Variants in RAD51D observed in about 807,000 individuals in gnomAD.
RAD51D encodes the protein DNA repair protein RAD51 homolog 4.
Under a neutral mutation model 44.1 loss-of-function variants are expected in RAD51D, and 38 were observed. The observed-to-expected ratio is 0.86, with a 90% CI of 0.67 to 1.13. RAD51D has a LOEUF of 1.13. Among genes scored for constraint, RAD51D ranks in the 50% most tolerant of loss-of-function variants. The probability of loss-of-function intolerance (pLI) is 0.00; values close to 1 mark genes in which losing one functional copy is unlikely to be tolerated. For missense variants in RAD51D, 390 were observed against 414.0 expected, an observed-to-expected ratio of 0.94 and a Z score of 0.50; for synonymous variants, 141 against 166.6, an observed-to-expected ratio of 0.85 and a Z score of 1.18.
intron 3 of RAD51D, among the ~76,000 whole-genome samples, chr17:35,110,610 T>A (rs1372577813): frequency 6.6e-6 from 1 of 152,248 alleles, no homozygotes. Flanking sequence ...TTGATTATTG[T>A]ATATTTTTAG....
chr17:35,117,572 C>G (rs1048971251), intron 3 of RAD51D, among the ~76,000 whole-genome samples: 24 of 152,196 alleles, frequency 1.6e-4, no homozygotes, highest in African/African-American at 5.8e-4. Flanking sequence ...CTACTGCAAC[C>G]TCCACCTCCC....
intron 3 of RAD51D, chr17:35,113,706 A>G: frequency 4.4e-6 from 1 of 229,652 alleles, no homozygotes; most frequent in South Asian, 4.1e-5. Context: ...ATAAGTATCC[A>G]GCCTCTACCA....
At position 35,101,007 on chromosome 17, in the gene RAD51D, AATGTCTACC is replaced by A. The variant is rs1555566974; in HGVS notation, c.924_932del (p.Met308_Asp310del). ...TCTGCTCTGAGGTCCCCCAGGTCCCAATGTCTACCATCTCCTGGAAACCTGTTGGCTGGA... is the reference window on the plus strand; with the variant it reads ...TCTGCTCTGAGGTCCCCCAGGTCCCAATCTCCTGGAAACCTGTTGGCTGGA... On this transcript the variant is annotated inframe_deletion, in exon 10 of 10. Transcript: ENST00000345365. 3.1e-6 allele frequency: 5 copies of A among 1,613,878 alleles called. No individual in the cohort carries two copies. Among genetic ancestry groups the A allele is most frequent in the Non-Finnish European group, 3.4e-6 (4 of 1,179,754 alleles).
At chr17:35,107,513 G>A (rs2142438019) in intron 3 of RAD51D, 66 bp from the exon 4 acceptor site, 1 of 1,282,086 alleles carries the variant, frequency 7.8e-7, no homozygotes, top group Non-Finnish European at 1.1e-6. Context: ...AAGGTACCAA[G>A]AAGAAAAGTA....
Position 35,101,351 on chromosome 17 carries a change from T to C in RAD51D, c.753A>G (p.Ile251Met). The C allele has an allele frequency of 6.2e-7, 1 of 1,613,898 alleles. No individual in the cohort carries two copies. Among genetic ancestry groups the C allele is most frequent in the Non-Finnish European group, 8.5e-7 (1 of 1,180,008 alleles). The change falls in exon 9 of 10, where the codon ATA becomes ATG. Residue 251 changes from isoleucine to methionine, a missense_variant. Transcript: ENST00000345365. ...LGMAVVVTNHITRDRDSGRLK... is the reference protein window; with the variant it reads ...LGMAVVVTNHMTRDRDSGRLK... ...GCCTCCCGCTGTCCCTGTCTCGAGT[T>C]ATGTGGTTGGTCACCTGCAGCAGAA...
rs1472576485 is a variant in RAD51D at position 35,103,982 on chromosome 17, G to A, written c.577-438C>T. On this transcript the variant is annotated intron_variant, in intron 6 of 9. Coordinates refer to ENST00000345365, the MANE Select transcript of RAD51D (RefSeq NM_002878.4). The surrounding 1 kb of genome is among the most constrained non-coding windows in gnomAD (Gnocchi z 4.1). ...AATCCCAGCTACTCAGGAGGCTGAG[G>A]CAGGAGAATCGCTTGAAACTGGGAG... Among the ~76,000 whole-genome samples the A allele has an allele frequency of 6.6e-6, 1 of 152,236 alleles. No homozygotes were observed.
rs773851850 is a variant in RAD51D, at chr17:35,118,630, G to T, written c.145-11C>A. 6 of 1,605,626 alleles carry T rather than the reference G, an allele frequency of 3.7e-6. No individual in the cohort carries two copies. The South Asian group carries it at 6.6e-5, about 18-fold the overall frequency. ...CAGGGCAACCAGGGCCTGCCAAAGG[G>T]CCCCAGACTGCTCAGCAACAAATTG... On this transcript the variant is annotated splice_polypyrimidine_tract_variant and intron_variant, in intron 2 of 9. Coordinates refer to ENST00000345365, the MANE Select transcript of RAD51D (RefSeq NM_002878.4).
Position 35,103,110 on chromosome 17 carries a change from T to C in RAD51D, c.738+144A>G. 1 of 759,016 alleles carries C rather than the reference T, an allele frequency of 1.3e-6. No homozygotes were observed. The highest frequency in any genetic ancestry group is 2.3e-6 in the Non-Finnish European group (1 of 426,972). 47.0% of individuals were successfully genotyped at this position (759,016 alleles called of 1,614,324 possible). On this transcript the variant is annotated intron_variant, in intron 8 of 9. Coordinates refer to ENST00000345365, the MANE Select transcript of RAD51D (RefSeq NM_002878.4). The surrounding 1 kb of genome is among the most constrained non-coding windows in gnomAD (Gnocchi z 4.1). ...TCCTGATTCCCTTAGCTATTTATGGTGCAAAGCTGTAGCTGACCCAGGGAA... is the reference window on the plus strand; with the variant it reads ...TCCTGATTCCCTTAGCTATTTATGGCGCAAAGCTGTAGCTGACCCAGGGAA...
rs1019082549 is a variant in RAD51D, at chr17:35,109,946, C to A, written c.264-2499G>T. The stretch of plus-strand genomic sequence containing the variant: ...CCTCCCGAAGTGCTGGGATTACAGG[C>A]GTAAGCCACCACGCCTGGCTTTTTT... On this transcript the variant is annotated intron_variant, in intron 3 of 9. Coordinates refer to ENST00000345365, the MANE Select transcript of RAD51D (RefSeq NM_002878.4). Among the ~76,000 whole-genome samples, 3 of 148,168 alleles carry A rather than the reference C, an allele frequency of 2.0e-5. No homozygotes were observed. In the Admixed American group the frequency reaches 2.1e-4, roughly 10 times the overall value.
Position 35,092,833 on chromosome 17 carries a change from G to T in RAD51D, c.*8120C>A, listed in dbSNP as rs1267902101. On this transcript the variant is annotated 3_prime_UTR_variant, in exon 10 of 10. Coordinates refer to ENST00000345365, the MANE Select transcript of RAD51D (RefSeq NM_002878.4). ...TTTCTATGGGAGGTTACTCTTCAAG[G>T]GATTTACTCCCTAAGAAATCAATGG... 6.6e-6 allele frequency: 1 copy of T among 151,982 alleles called. No individual in the cohort carries two copies. Among genetic ancestry groups the T allele is most frequent in the Non-Finnish European group, 1.5e-5 (1 of 68,012 alleles). The allele number at this position is 151,982 out of a possible 1,614,324, so 9.4% of individuals were successfully genotyped here. A position where few individuals can be genotyped will look rare whatever the true frequency, so the allele number is the denominator to read the frequency against.
intron 3 of RAD51D, among the ~76,000 whole-genome samples, chr17:35,115,996 A>AGAAAGAAAGAAAGAAC (rs2091739795): frequency 6.6e-6 from 1 of 151,600 alleles, no homozygotes. Context: ...AAAGAAAGAA[A>AGAAAGAAAGAAAGAAC]GAAAGAAAGA....
rs28363259 is a variant in RAD51D, at chr17:35,119,383, C to T, written c.82+149G>A. ...GTTTTAGAGCTTGGCTCCCCACGCC[C>T]ACCCTTCCTGAGCCTCTCCAGAAGC... On this transcript the variant is annotated intron_variant, in intron 1 of 9. Coordinates refer to ENST00000345365, the MANE Select transcript of RAD51D (RefSeq NM_002878.4). 4.9e-5 allele frequency: 51 copies of T among 1,032,338 alleles called. No individual in the cohort carries two copies. In the Admixed American group the frequency reaches 9.0e-4, roughly 18 times the overall value. The allele number at this position is 1,032,338 out of a possible 1,614,324, so 63.9% of individuals were successfully genotyped here.
rs1038642194 is a variant in RAD51D at position 35,118,782 on chromosome 17, G to A, written c.145-163C>T. Among the ~76,000 whole-genome samples the A allele has an allele frequency of 2.6e-5, 4 of 152,288 alleles. No homozygotes were observed. In the East Asian group the frequency reaches 5.8e-4, roughly 22 times the overall value. On this transcript the variant is annotated intron_variant, in intron 2 of 9. Coordinates refer to ENST00000345365, the MANE Select transcript of RAD51D (RefSeq NM_002878.4). ...GTTTCAGACAGGGTCTCACTCTGTC[G>A]CCCAGATTGGAGTGCAGTAGCACGA...
At position 35,093,986 on chromosome 17, in the gene RAD51D, A is replaced by G. The variant is rs1208584149; in HGVS notation, c.*6967T>C. ...AGCATGGCCCCTGAAATAAATTAAAATATAAATAAATCCTGCCCAGACAAC... is the reference window on the plus strand; with the variant it reads ...AGCATGGCCCCTGAAATAAATTAAAGTATAAATAAATCCTGCCCAGACAAC... On this transcript the variant is annotated 3_prime_UTR_variant, in exon 10 of 10. Coordinates refer to ENST00000345365, the MANE Select transcript of RAD51D (RefSeq NM_002878.4). 6.6e-6 allele frequency: 1 copy of G among 152,236 alleles called. No individual in the cohort carries two copies. The highest frequency in any genetic ancestry group is 1.5e-5 in the Non-Finnish European group (1 of 68,050). 9.4% of individuals were successfully genotyped at this position (152,236 alleles called of 1,614,324 possible). A position where few individuals can be genotyped will look rare whatever the true frequency, so the allele number is the denominator to read the frequency against.
chr17:35,116,238 G>A (rs971736888), intron 3 of RAD51D, among the ~76,000 whole-genome samples: 1 of 152,132 alleles, frequency 6.6e-6, no homozygotes, highest in Non-Finnish European at 1.5e-5. Context: ...CCAGGGCCCT[G>A]CTTGGCCTCT....
chr17:35,108,494 C>CT (rs377672910), intron 3 of RAD51D, among the ~76,000 whole-genome samples: 11 of 90,636 alleles, frequency 1.2e-4, no homozygotes, highest in African/African-American at 1.9e-4. Context: ...ACCCTTTTCT[C>CT]TTTAAAAAAA....
chr17:35,119,544 T>C lies in RAD51D; in HGVS notation c.70A>G (p.Arg24Gly), dbSNP rs781611267. Reference protein sequence around the residue: ...EEMIQLLRSHRIKTVVDLVSA... With the variant: ...EEMIQLLRSHGIKTVVDLVSA... ...CACACCCGGTCACCTGTCTTGATCC[T>C]GTGGCTCCTGAGAAGCTGGATCATC... Residue 24 changes from arginine to glycine, a missense_variant, in exon 1 of 10, where the codon AGG becomes GGG. Arg to Gly is a moderately radical substitution (Grantham distance 125). Coordinates refer to ENST00000345365, the MANE Select transcript of RAD51D (RefSeq NM_002878.4). 2 of 1,612,360 alleles carry C rather than the reference T, an allele frequency of 1.2e-6. No homozygotes were observed. Among genetic ancestry groups the C allele is most frequent in the East Asian group, 2.2e-5 (1 of 44,874 alleles).
rs146448657 is a variant in RAD51D at position 35,119,575 on chromosome 17, G to A, written c.39C>T (p.Thr13=). 3.1e-6 allele frequency: 5 copies of A among 1,612,528 alleles called. No homozygotes were observed. The South Asian group carries it at 4.4e-5, about 14-fold the overall frequency. The change falls in exon 1 of 10, where the codon ACC becomes ACT. Residue 13 remains threonine, a synonymous_variant. Transcript: ENST00000345365. ...VLRVGLCPGL[T]EEMIQLLRSH... ...TCCTGAGAAGCTGGATCATCTCCTC[G>A]GTAAGGCCAGGGCACAGTCCGACCC...
rs2142480636 is a variant in RAD51D, at chr17:35,119,579, A to G, written c.35T>C (p.Leu12Pro). ...GAGAAGCTGGATCATCTCCTCGGTAAGGCCAGGGCACAGTCCGACCCTGAG... is the reference window on the plus strand; with the variant it reads ...GAGAAGCTGGATCATCTCCTCGGTAGGGCCAGGGCACAGTCCGACCCTGAG... ...GVLRVGLCPG[L>P]TEEMIQLLRS... The change falls in exon 1 of 10, where the codon CTT becomes CCT. Residue 12 changes from leucine to proline, a missense_variant. By Grantham distance (98) the Leu-to-Pro change is moderately conservative. Coordinates refer to ENST00000345365, the MANE Select transcript of RAD51D (RefSeq NM_002878.4). 6.2e-7 allele frequency: 1 copy of G among 1,612,656 alleles called. No individual in the cohort carries two copies.
Sources: allele counts gnomAD v4.1 joint callset (sites outside exome capture counted in the v4.1 genomes callset), GRCh38; gene constraint gnomAD v4.1.1; non-coding constraint Gnocchi (gnomAD v3.1); transcripts MANE v1.5; gene names NCBI Gene and HGNC (gene_info 2026-07-23, HGNC 2026-07-21).